The following SGCZ variants were observed in gnomAD, a reference collection of about 807,000 sequenced individuals.
SGCZ encodes the protein sarcoglycan zeta, also known as zeta-sarcoglycan.
Under a neutral mutation model 41.3 loss-of-function variants are expected in SGCZ, and 40 were observed. The ratio of observed to expected loss-of-function variants is 0.97; its 90% CI spans 0.75 to 1.26. The LOEUF is 1.26. Ranked by LOEUF, SGCZ falls within the 50% of genes most tolerant of loss-of-function variation. SGCZ has a pLI of 0.00. For missense variants in SGCZ, 552 were observed against 369.8 expected (o/e 1.49, Z -4.04); for synonymous variants, 206 against 137.5 (o/e 1.50, Z -3.49).
chr8:14,403,783 C>T (rs1041258725), intron 2 of SGCZ, among the ~76,000 whole-genome samples: 1 of 152,010 alleles, frequency 6.6e-6, no homozygotes, highest in Non-Finnish European at 1.5e-5. Context: ...AATATACATG[C>T]AATATTTATA....
intron 1 of SGCZ, among the ~76,000 whole-genome samples, chr8:14,643,988 T>C (rs72607321): frequency 7.9e-6 from 1 of 126,890 alleles, no homozygotes; most frequent in Admixed American, 9.2e-5. Context: ...TGTACAATTC[T>C]TAAAAATATA....
chr8:15,107,671 GT>G (rs1309957865), intron 1 of SGCZ, among the ~76,000 whole-genome samples: 20 of 152,068 alleles, frequency 1.3e-4, no homozygotes, highest in Non-Finnish European at 2.8e-4. Context: ...GTTTATTTTT[GT>G]TTTAAGTTAC....
intron 2 of SGCZ, among the ~76,000 whole-genome samples, chr8:14,457,310 G>A (rs1174083232): frequency 6.6e-6 from 1 of 152,338 alleles, no homozygotes; most frequent in East Asian, 1.9e-4. Context: ...GGCCACCAGA[G>A]GGCTCCTTGG....
chr8:14,441,362 G>C (rs979988459), intron 2 of SGCZ, among the ~76,000 whole-genome samples: 1 of 152,150 alleles, frequency 6.6e-6, no homozygotes, highest in Non-Finnish European at 1.5e-5. Flanking sequence ...GGATCACGAG[G>C]TCAAGAGATT....
At chr8:14,200,767 A>G (rs924209003) in intron 4 of SGCZ, among the ~76,000 whole-genome samples, 1 of 152,178 alleles carries the variant, frequency 6.6e-6, no homozygotes, top group African/African-American at 2.4e-5. Flanking sequence ...TATGGCACCC[A>G]AAGTATGATG....
At chr8:15,132,241 A>G (rs1368716353) in intron 1 of SGCZ, among the ~76,000 whole-genome samples, 1 of 152,220 alleles carries the variant, frequency 6.6e-6, no homozygotes, top group Non-Finnish European at 1.5e-5. Flanking sequence ...AGAGCACACT[A>G]GAAGTCCCAC....
intron 2 of SGCZ, among the ~76,000 whole-genome samples, chr8:14,465,031 C>A (rs1203123123): frequency 3.3e-5 from 5 of 151,624 alleles, no homozygotes; most frequent in Non-Finnish European, 3.0e-5. Context: ...CCCATGTACC[C>A]TTGAGAAGAA....
intron 1 of SGCZ, among the ~76,000 whole-genome samples, chr8:15,119,397 G>T (rs1255101716): frequency 6.6e-6 from 1 of 151,892 alleles, no homozygotes; most frequent in East Asian, 1.9e-4. Flanking sequence ...GAGCATGGTG[G>T]TCCAGGCCTG....
intron 2 of SGCZ, among the ~76,000 whole-genome samples, chr8:14,545,857 A>T (rs918973073): frequency 6.6e-6 from 1 of 152,126 alleles, no homozygotes; most frequent in Admixed American, 6.6e-5. Flanking sequence ...TAGTACTCTA[A>T]TGAACTTTGT....
At chr8:14,604,498 G>C (rs1422972285) in intron 1 of SGCZ, among the ~76,000 whole-genome samples, 1 of 152,124 alleles carries the variant, frequency 6.6e-6, no homozygotes, top group Non-Finnish European at 1.5e-5. Flanking sequence ...ACTCTTGGTA[G>C]ATGAGTGTCA....
intron 2 of SGCZ, among the ~76,000 whole-genome samples, chr8:14,419,652 T>C (rs1027507734): frequency 6.6e-6 from 1 of 152,036 alleles, no homozygotes; most frequent in Non-Finnish European, 1.5e-5. Flanking sequence ...TAATGTTTGA[T>C]GAAAACAAAC....
In SGCZ at chr8:14,761,519, T is replaced by TTTTA. The variant is rs1300664136; in HGVS notation, c.40-206597_40-206594dup. 3.4e-5 allele frequency among the ~76,000 whole-genome samples: 5 copies of TTTTA among 147,420 alleles called. No homozygotes were observed. In the East Asian group the frequency reaches 7.9e-4, roughly 23 times the overall value. On this transcript the variant is annotated intron_variant, in intron 1 of 7. Transcript: ENST00000382080. ...CATGTTTCTATTATTATTATTATTA[T>TTTTA]TTTATTTATTTATTTATTTATTTTT...
intron 1 of SGCZ, among the ~76,000 whole-genome samples, chr8:14,838,861 T>G (rs1802799326): frequency 6.6e-6 from 1 of 152,072 alleles, no homozygotes; most frequent in South Asian, 2.1e-4. Context: ...ATTACATCAA[T>G]TAAGAGAGTC....
At chr8:14,110,283 C>G (rs11993263) in intron 5 of SGCZ, among the ~76,000 whole-genome samples, 2 of 151,932 alleles carry the variant, frequency 1.3e-5, no homozygotes, top group African/African-American at 4.8e-5. Context: ...AATTTTTAAA[C>G]TTTGCACATG....
intron 1 of SGCZ, among the ~76,000 whole-genome samples, chr8:14,937,172 G>T (rs144670784): frequency 3.2e-4 from 49 of 151,802 alleles, no homozygotes; most frequent in African/African-American, 1.1e-3. Flanking sequence ...AAGAGAAACA[G>T]TAAAAATTAG....
chr8:14,958,200 A>T (rs1268696147), intron 1 of SGCZ, among the ~76,000 whole-genome samples: 1 of 151,816 alleles, frequency 6.6e-6, no homozygotes, highest in African/African-American at 2.4e-5. Context: ...AGTTTATTTT[A>T]TATATTCTGA....
At chr8:14,127,906 T>TGCTCC (rs1563142310) in intron 5 of SGCZ, among the ~76,000 whole-genome samples, 1 of 152,208 alleles carries the variant, frequency 6.6e-6, no homozygotes, top group Non-Finnish European at 1.5e-5. Context: ...TTTTCTGCTC[T>TGCTCC]GCTCCCTCCT....
intron 2 of SGCZ, among the ~76,000 whole-genome samples, chr8:14,482,390 T>C (rs1475620975): frequency 1.3e-5 from 2 of 152,208 alleles, no homozygotes; most frequent in Admixed American, 6.5e-5. Context: ...GTCAGAGTTA[T>C]GGGTAAAACA....
At chr8:14,136,832 T>C (rs532381832) in intron 5 of SGCZ, among the ~76,000 whole-genome samples, 1 of 152,296 alleles carries the variant, frequency 6.6e-6, no homozygotes, top group African/African-American at 2.4e-5. Flanking sequence ...GATCTGAGAA[T>C]GGACAGACTG....
Sources: allele counts gnomAD v4.1 joint callset (sites outside exome capture counted in the v4.1 genomes callset), GRCh38; gene constraint gnomAD v4.1.1; transcripts MANE v1.5; gene names NCBI Gene and HGNC (gene_info 2026-07-23, HGNC 2026-07-21).